ZNF831: variants seen among roughly 807,000 people sequenced by gnomAD.
ZNF831 encodes the protein zinc finger protein 831.
Under a neutral mutation model 95.8 loss-of-function variants are expected in ZNF831, and 59 were observed. That is an observed-to-expected ratio of 0.62 (90% CI 0.50 to 0.77). The LOEUF is 0.77. Ranked by LOEUF, ZNF831 falls within the 30% of genes least tolerant of loss-of-function variation. The pLI is 0.00. For synonymous variants in ZNF831, 961 were observed against 925.5 expected (o/e 1.04, Z -0.70); for missense variants, 2,205 against 2,164.0 (o/e 1.02, Z -0.38).
intron 1 of ZNF831, among the ~76,000 whole-genome samples, chr20:59,178,244 T>C (rs1269160995): frequency 6.6e-6 from 1 of 152,250 alleles, no homozygotes; most frequent in African/African-American, 2.4e-5. Context: ...TATTTTCTTA[T>C]GCAGCCTGTG....
chr20:59,170,263 TA>T (rs1167172201), intron 1 of ZNF831, among the ~76,000 whole-genome samples: 1 of 152,212 alleles, frequency 6.6e-6, no homozygotes, highest in Non-Finnish European at 1.5e-5. Flanking sequence ...TTTTCTAATG[TA>T]AACATTTAGT....
At chr20:59,127,448 C>T (rs575579355) in intron 1 of ZNF831, among the ~76,000 whole-genome samples, 21 of 152,280 alleles carry the variant, frequency 1.4e-4, no homozygotes, top group East Asian at 3.9e-4. Context: ...ACGTCCTTCC[C>T]GTGGCCTCGA....
intron 1 of ZNF831, among the ~76,000 whole-genome samples, chr20:59,125,591 G>C (rs1601287308): frequency 6.6e-6 from 1 of 152,116 alleles, no homozygotes. Context: ...GACAATACTG[G>C]GTTCAATTTT....
chr20:59,127,527 C>T lies in ZNF831; in HGVS notation c.-1425+4022C>T, dbSNP rs376415327. Reference sequence around the variant, plus strand: ...TGCTCTTCCTCCATTGCCACAAATGCGTGTTTCAGCCCAGATGGTTGACAC... The same window carrying T: ...TGCTCTTCCTCCATTGCCACAAATGTGTGTTTCAGCCCAGATGGTTGACAC... On this transcript the variant is annotated intron_variant, in intron 1 of 7. Coordinates refer to the ZNF831 transcript ENST00000637017. Among the ~76,000 whole-genome samples, 16 of 152,306 alleles carry T rather than the reference C, an allele frequency of 1.1e-4. No individual in the cohort carries two copies. In the South Asian group the frequency reaches 1.4e-3, roughly 14 times the overall value.
At chr20:59,204,425 CTT>C (rs1040208171) in intron 3 of ZNF831, among the ~76,000 whole-genome samples, 3 of 151,938 alleles carry the variant, frequency 2.0e-5, no homozygotes, top group Non-Finnish European at 2.9e-5. Flanking sequence ...GGCTGAGACT[CTT>C]TGTCACGTTG....
In ZNF831 at chr20:59,182,383, A is replaced by G. The variant is rs537863569; in HGVS notation, c.-36-8601A>G. Reference sequence around the variant, plus strand: ...AGTGCTTATAGGTAGCATCTGTTTAATCCTCGTTATCCACATTTTACAAAT... The same window carrying G: ...AGTGCTTATAGGTAGCATCTGTTTAGTCCTCGTTATCCACATTTTACAAAT... On this transcript the variant is annotated intron_variant, in intron 1 of 5. Transcript: ENST00000371030. Among the ~76,000 whole-genome samples, 4 of 152,292 alleles carry G rather than the reference A, an allele frequency of 2.6e-5. No homozygotes were observed. The East Asian group carries it at 5.8e-4, about 22-fold the overall frequency.
At chr20:59,129,954 C>G (rs1020877174) in intron 1 of ZNF831, among the ~76,000 whole-genome samples, 27 of 152,354 alleles carry the variant, frequency 1.8e-4, no homozygotes, top group African/African-American at 6.3e-4. Flanking sequence ...ATCCTATTAA[C>G]TAGACTCAGA....
chr20:59,238,041 C>T (rs989794335), intron 4 of ZNF831, among the ~76,000 whole-genome samples: 84 of 152,152 alleles, frequency 5.5e-4, no homozygotes, highest in African/African-American at 1.7e-3. Context: ...TGTTGTTCAC[C>T]TGAAACTCAT....
chr20:59,211,356 C>T (rs892216490), intron 4 of ZNF831, among the ~76,000 whole-genome samples: 2 of 152,226 alleles, frequency 1.3e-5, no homozygotes, highest in African/African-American at 4.8e-5. Context: ...TGCAGGGCAG[C>T]TGTGAGCTGC....
rs1983520349 is a variant in ZNF831 at position 59,191,492 on chromosome 20, T to C, written c.473T>C (p.Val158Ala). 1 of 1,613,076 alleles carries C rather than the reference T, an allele frequency of 6.2e-7. No homozygotes were observed. Among genetic ancestry groups the C allele is most frequent in the Admixed American group, 1.7e-5 (1 of 60,030 alleles). Residue 158 changes from valine to alanine, a missense_variant, in exon 2 of 6, where the codon GTT (valine) becomes GCT (alanine). Val to Ala is a moderately conservative substitution (Grantham distance 64). Transcript: ENST00000371030. ...GGTCGCGACTGCCTGAAGCCCAGTGTTCTAGAGAAGCACATCCGGTCCCAC... is the reference window on the plus strand; with the variant it reads ...GGTCGCGACTGCCTGAAGCCCAGTGCTCTAGAGAAGCACATCCGGTCCCAC... ...HCGRDCLKPS[V>A]LEKHIRSHTG...
intron 1 of ZNF831, among the ~76,000 whole-genome samples, chr20:59,186,418 C>T (rs1252852610): frequency 2.0e-5 from 3 of 152,106 alleles, no homozygotes; most frequent in African/African-American, 7.2e-5. Flanking sequence ...AATATTATGG[C>T]GTATAATTGA....
intron 1 of ZNF831, among the ~76,000 whole-genome samples, chr20:59,142,495 G>A (rs73306849): frequency 0.011 from 1,617 of 152,302 alleles, 34 homozygotes; most frequent in African/African-American, 0.038. Flanking sequence ...TCCAAAGCTT[G>A]GGATTCGTAG....
chr20:59,179,177 C>T (rs373135939), intron 1 of ZNF831, among the ~76,000 whole-genome samples: 3 of 152,182 alleles, frequency 2.0e-5, no homozygotes, highest in Admixed American at 1.3e-4. Flanking sequence ...ACCCACTGCC[C>T]GACCGTGCCT....
intron 2 of ZNF831, among the ~76,000 whole-genome samples, chr20:59,148,999 T>C (rs8118985): frequency 0.031 from 4,713 of 152,256 alleles, 249 homozygotes; most frequent in African/African-American, 0.11. Context: ...GGCCAGAGGC[T>C]GTGAGGGGCA....
intron 1 of ZNF831, among the ~76,000 whole-genome samples, chr20:59,131,337 T>A (rs1979346708): frequency 1.3e-5 from 2 of 152,346 alleles, no homozygotes; most frequent in South Asian, 4.1e-4. Context: ...GGATTCCTAC[T>A]AATAGTCAGC....
chr20:59,204,878 A>G (rs1984776957), intron 3 of ZNF831, among the ~76,000 whole-genome samples: 1 of 152,202 alleles, frequency 6.6e-6, no homozygotes, highest in Non-Finnish European at 1.5e-5. Flanking sequence ...GGCTGCACAC[A>G]GAACGTTTTG....
chr20:59,179,254 G>A (rs568558226), intron 1 of ZNF831, among the ~76,000 whole-genome samples: 14 of 152,264 alleles, frequency 9.2e-5, no homozygotes, highest in Non-Finnish European at 1.9e-4. Context: ...TGGGAAGTTG[G>A]GGGATAGCCC....
At chr20:59,195,284 A>C (rs1310518988) in intron 2 of ZNF831, among the ~76,000 whole-genome samples, 2 of 152,196 alleles carry the variant, frequency 1.3e-5, no homozygotes, top group Non-Finnish European at 1.5e-5. Context: ...TTGGTGAAGA[A>C]ATGATAATGC....
chr20:59,247,104 G>A (rs998362851), intron 4 of ZNF831, among the ~76,000 whole-genome samples: 3 of 152,278 alleles, frequency 2.0e-5, no homozygotes, highest in East Asian at 1.9e-4. Flanking sequence ...TTAGCATAAC[G>A]TCAGGTATGC....
Sources: allele counts gnomAD v4.1 joint callset (sites outside exome capture counted in the v4.1 genomes callset), GRCh38; gene constraint gnomAD v4.1.1; transcripts MANE v1.5; gene names NCBI Gene and HGNC (gene_info 2026-07-23, HGNC 2026-07-21).